Variants in KRT5 observed in about 807,000 individuals in gnomAD.
KRT5 encodes the protein keratin 5.
In KRT5, 17 loss-of-function variants were observed where a neutral mutation model predicts 44.0. The observed-to-expected ratio is 0.39, with a 90% confidence interval of 0.26 to 0.58. The LOEUF is 0.58. KRT5 is among the 20% of genes least tolerant of loss of function. The probability of loss-of-function intolerance (pLI) is 0.61; values close to 1 mark genes in which losing one functional copy is unlikely to be tolerated. For synonymous variants in KRT5, 329 were observed against 312.8 expected (o/e 1.05, Z -0.55); for missense variants, 737 against 785.5 (o/e 0.94, Z 0.74).
At position 52,515,100 on chromosome 12, in the gene KRT5, C is replaced by T. The variant is rs143566042; in HGVS notation, c.1615G>A (p.Gly539Ser). 4.0e-5 allele frequency: 64 copies of T among 1,612,402 alleles called. No individual in the cohort carries two copies. The African/African-American group carries it at 6.4e-4, about 16-fold the overall frequency. The change falls in exon 9 of 9, where the codon GGT becomes AGT. Residue 539 changes from glycine (G) to serine (S), a missense_variant. Physicochemically the swap from Gly to Ser is moderately conservative, Grantham distance 56. This residue lies in a region of KRT5 where 344 missense variants were observed against 351.6 expected (regional missense o/e 0.98). Coordinates refer to ENST00000252242, the MANE Select transcript of KRT5 (RefSeq NM_000424.4). ...CTGAGCCCACCACCTAGGCCGACAC[C>T]CCCACTGCTGCTGGAGTAGTAGCTT... The part of the protein sequence containing the change: ...SGSYYSSSSG[G>S]VGLGGGLSVG...
intron 6 of KRT5, 96 bp from the exon 7 acceptor site, chr12:52,516,953 G>A: frequency 1.3e-6 from 2 of 1,535,136 alleles, no homozygotes; most frequent in African/African-American, 1.4e-5. Context: ...ATGAATCCCA[G>A]AGAGAAACCA....
intron 7 of KRT5, 127 bp downstream of exon 7, chr12:52,516,510 T>C: frequency 1.0e-6 from 1 of 967,192 alleles, no homozygotes; most frequent in Non-Finnish European, 1.6e-6. Flanking sequence ...CAGACTGAAA[T>C]AGTGTTGATG....
intron 8 of KRT5, chr12:52,515,515 G>A: frequency 1.6e-6 from 1 of 622,284 alleles, no homozygotes. Flanking sequence ...GAGGGGAGGA[G>A]CTAGGTACTG....
chr12:52,517,018 G>T, intron 6 of KRT5, 89 bp downstream of exon 6: 1 of 1,566,974 alleles, frequency 6.4e-7, no homozygotes, highest in Non-Finnish European at 8.8e-7. Flanking sequence ...AGCTGCGTGT[G>T]TTTAGCAAAA....
At position 52,519,908 on chromosome 12, in the gene KRT5, G is replaced by A. The variant is rs1393784742; in HGVS notation, c.389C>T (p.Pro130Leu). 3.1e-6 allele frequency: 5 copies of A among 1,613,818 alleles called. No homozygotes were observed. Among genetic ancestry groups the A allele is most frequent in the Non-Finnish European group, 4.2e-6 (5 of 1,179,996 alleles). ...TCCAGGAGGGCAGACAGGAAAGCCA[G>A]GGCCACCGAAGCCACCTCCAAAGCC... ...GAGFGGGFGG[P>L]GFPVCPPGGI... The change falls in exon 1 of 9, where the codon CCT becomes CTT. Residue 130 changes from proline (P) to leucine (L), a missense_variant. Pro to Leu is a moderately conservative substitution (Grantham distance 98). Transcript: ENST00000252242.
In KRT5 at chr12:52,515,226, T is replaced by C. The variant is rs1938590535; in HGVS notation, c.1489A>G (p.Ser497Gly). The change falls in exon 9 of 9, where the codon AGT (serine) becomes GGT (glycine). Residue 497 changes from serine (S) to glycine (G), a missense_variant. Ser to Gly is a moderately conservative substitution (Grantham distance 56). Around this residue, in one of 5 missense-constraint regions of KRT5, gnomAD observed 344 missense variants for 351.6 expected, o/e 0.98. Coordinates refer to ENST00000252242, the MANE Select transcript of KRT5 (RefSeq NM_000424.4). ...CCACTGCCATATCCAGAGGAAACAC[T>C]GCTTGTGACAACAGCTGCAGGGAAA... ...GPVNISVVTS[S>G]VSSGYGSGSG... The C allele has an allele frequency of 1.9e-6, 3 of 1,607,882 alleles. No homozygotes were observed. Among genetic ancestry groups the C allele is most frequent in the Non-Finnish European group, 2.5e-6 (3 of 1,179,932 alleles).
In KRT5 at chr12:52,519,805, C is replaced by T. The variant is rs775166393; in HGVS notation, c.492G>A (p.Val164=). Reference sequence around the variant, plus strand: ...TGATCTGCTCGCGCTCCTCGGTCCTCACCCTCTGGATGCTGGGGTCGATTT... The same window carrying T: ...TGATCTGCTCGCGCTCCTCGGTCCTTACCCTCTGGATGCTGGGGTCGATTT... ...NLQIDPSIQR[V]RTEEREQIKT... is the part of the protein sequence containing the mutation. The change falls in exon 1 of 9, where the codon GTG becomes GTA. Residue 164 remains valine, a synonymous_variant. Transcript: ENST00000252242. The T allele has an allele frequency of 3.7e-6, 6 of 1,614,032 alleles. No homozygotes were observed. The East Asian group carries it at 1.3e-4, about 36-fold the overall frequency.
chr12:52,516,242 G>C, intron 7 of KRT5: 2 of 399,224 alleles, frequency 5.0e-6, no homozygotes, highest in South Asian at 5.1e-5. Context: ...CAATCCAAAG[G>C]TAGCTGAGTT....
rs1227136520 is a variant in KRT5, at chr12:52,515,882, C to G, written c.1440-50G>C. 15 of 1,506,078 alleles carry G rather than the reference C, an allele frequency of 1.0e-5. No homozygotes were observed. In the South Asian group the frequency reaches 1.4e-4, roughly 14 times the overall value. 93.3% of individuals were successfully genotyped at this position (1,506,078 alleles called of 1,614,324 possible). On this transcript the variant is annotated intron_variant, in intron 7 of 8. Coordinates refer to ENST00000252242, the MANE Select transcript of KRT5 (RefSeq NM_000424.4). ...GGGTTAACAGCTCCCAAAAAGACAG[C>G]ATTAGTCTATGTGGCTAACTCCCAT... is the stretch of plus-strand genomic sequence containing the variant.
rs762576590 is a variant in KRT5 at position 52,517,253 on chromosome 12, G to A, written c.1093-21C>T. 11 of 1,613,890 alleles carry A rather than the reference G, an allele frequency of 6.8e-6. 2 individuals carry two copies. In the South Asian group the frequency reaches 1.2e-4, roughly 18 times the overall value. Reference sequence around the variant, plus strand: ...TCATACTGATGCAGCCAGGAAAGAGGAAAGATTCTGTTTATATGAGAATGG... The same window carrying A: ...TCATACTGATGCAGCCAGGAAAGAGAAAAGATTCTGTTTATATGAGAATGG... On this transcript the variant is annotated intron_variant, in intron 5 of 8. Transcript: ENST00000252242.
In KRT5 at chr12:52,516,952, A is replaced by G. The variant is rs113169113; in HGVS notation, c.1219-95T>C. 2.1e-4 allele frequency: 322 copies of G among 1,538,570 alleles called. 1 individual carries two copies. The African/African-American group carries it at 3.5e-3, about 17-fold the overall frequency. On this transcript the variant is annotated intron_variant, in intron 6 of 8. Coordinates refer to ENST00000252242, the MANE Select transcript of KRT5 (RefSeq NM_000424.4). The stretch of plus-strand genomic sequence containing the variant: ...GACAAACCAAACTATCATGAATCCC[A>G]GAGAGAAACCAGTACATCGTGGGTG...
rs772453159 is a variant in KRT5 at position 52,517,577 on chromosome 12, T to C, written c.1092+13A>G. On this transcript the variant is annotated intron_variant, in intron 5 of 8. Transcript: ENST00000252242. ...TGTCCCCTCACTCAGGAGACAGTCA[T>C]CAGAGCACCCACCTTGGTCTGATAC... The C allele has an allele frequency of 6.2e-7, 1 of 1,613,740 alleles. No homozygotes were observed. Among genetic ancestry groups the C allele is most frequent in the Non-Finnish European group, 8.5e-7 (1 of 1,179,878 alleles).
Position 52,515,081 on chromosome 12 carries a change from C to G in KRT5, c.1634G>C (p.Gly545Ala). The change falls in exon 9 of 9, where the codon GGG becomes GCG. Residue 545 changes from glycine to alanine, a missense_variant. By Grantham distance (60) the Gly-to-Ala change is moderately conservative. Coordinates refer to ENST00000252242, the MANE Select transcript of KRT5 (RefSeq NM_000424.4). ...GAAGCCAGAGCCCCCCACACTGAGC[C>G]CACCACCTAGGCCGACACCCCCACT... Reference protein sequence around the residue: ...SSSGGVGLGGGLSVGGSGFSA... With the variant: ...SSSGGVGLGGALSVGGSGFSA... 1 of 1,612,910 alleles carries G rather than the reference C, an allele frequency of 6.2e-7. No individual in the cohort carries two copies.
chr12:52,519,677 T>C, intron 1 of KRT5, 65 bp downstream of exon 1: 2 of 1,497,158 alleles, frequency 1.3e-6, no homozygotes, highest in South Asian at 1.1e-5. Context: ...ACATCTTCCT[T>C]CTTTCTCTCT....
intron 1 of KRT5, 133 bp downstream of exon 1, chr12:52,519,609 C>T: frequency 1.9e-6 from 2 of 1,028,698 alleles, no homozygotes; most frequent in Non-Finnish European, 3.1e-6. Context: ...ATCCAGGGCA[C>T]AGAAACAAAC....
intron 1 of KRT5, 85 bp from the exon 2 acceptor site, chr12:52,519,245 C>T (rs607860): frequency 0.4 from 632,514 of 1,565,196 alleles, 130,032 homozygotes; most frequent in Middle Eastern, 0.51. Context: ...CACCTCTTTC[C>T]GTCCCTCTAA....
chr12:52,515,649 C>T (rs1288530420), intron 8 of KRT5, 149 bp downstream of exon 8: 2 of 743,424 alleles, frequency 2.7e-6, no homozygotes, highest in Non-Finnish European at 4.8e-6. Context: ...TCCTTCCCCT[C>T]CACCACCCAC....
Position 52,520,020 on chromosome 12 carries a change from C to T in KRT5, c.277G>A (p.Gly93Ser), listed in dbSNP as rs1415918495. ...FRNRFGAGAG[G>S]GYGFGGGAGS... ...GCACCACCTCCAAAGCCATAGCCGC[C>T]TCCAGCACCAGCACCAAACCGGTTC... Residue 93 changes from glycine to serine, a missense_variant, in exon 1 of 9, where the codon GGC becomes AGC. This residue lies in a region of KRT5 where 326 missense variants were observed against 333.1 expected (regional missense o/e 0.98). Coordinates refer to ENST00000252242, the MANE Select transcript of KRT5 (RefSeq NM_000424.4). The T allele has an allele frequency of 6.2e-7, 1 of 1,613,974 alleles. No individual in the cohort carries two copies. Among genetic ancestry groups the T allele is most frequent in the African/African-American group, 1.3e-5 (1 of 74,880 alleles).
In KRT5 at chr12:52,516,558, A is replaced by G. The variant is rs1592193555; in HGVS notation, c.1439+79T>C. On this transcript the variant is annotated intron_variant, in intron 7 of 8. Transcript: ENST00000252242. ...CACGCACAAGTCACTGATCTCATGT[A>G]TGTGTGTTGTACACCCCACAGTAGA... 7.0e-6 allele frequency: 9 copies of G among 1,278,652 alleles called. No individual in the cohort carries two copies. In the East Asian group the frequency reaches 1.8e-4, roughly 26 times the overall value. The allele number at this position is 1,278,652 out of a possible 1,614,324, so 79.2% of individuals were successfully genotyped here.
Sources: allele counts gnomAD v4.1 joint callset, GRCh38; gene constraint gnomAD v4.1.1; regional missense constraint gnomAD v4.1.1; transcripts MANE v1.5; gene names NCBI Gene and HGNC (gene_info 2026-07-23, HGNC 2026-07-21).